Variants in PCNT observed in about 807,000 individuals in gnomAD.
PCNT encodes pericentrin, also known as kendrin.
In PCNT, 319 loss-of-function variants were observed where a neutral mutation model predicts 380.4. That is an observed-to-expected ratio of 0.84 (90% CI 0.77 to 0.92). The LOEUF (loss-of-function observed/expected upper bound fraction) is 0.92. Ranked by LOEUF, PCNT falls within the 40% of genes least tolerant of loss-of-function variation. The pLI is 0.00. For missense variants in PCNT, 4,400 were observed against 4,255.3 expected, an observed-to-expected ratio of 1.03 and a Z score of -0.95; for synonymous variants, 1,845 against 1,735.2, an observed-to-expected ratio of 1.06 and a Z score of -1.57.
chr21:46,418,880 T>C (rs950112498), intron 31 of PCNT, among the ~76,000 whole-genome samples: 1 of 151,938 alleles, frequency 6.6e-6, no homozygotes, highest in African/African-American at 2.4e-5. Flanking sequence ...TGGCGGGAGG[T>C]GCGTGGGCTT....
rs1165657207 is a variant in PCNT at position 46,407,174 on chromosome 21, C to T, written c.5116-4015C>T. On this transcript the variant is annotated intron_variant, in intron 27 of 46. Coordinates refer to ENST00000359568, the MANE Select transcript of PCNT (RefSeq NM_006031.6). ...TGTTTTCATAGCATCAACAATGAAGCCATTTGGAGTTTTATATCTAGAGAG... is the reference window on the plus strand; with the variant it reads ...TGTTTTCATAGCATCAACAATGAAGTCATTTGGAGTTTTATATCTAGAGAG... Among the ~76,000 whole-genome samples, 7 of 151,920 alleles carry T rather than the reference C, an allele frequency of 4.6e-5. No homozygotes were observed. In the East Asian group the frequency reaches 1.3e-3, roughly 29 times the overall value.
intron 16 of PCNT, among the ~76,000 whole-genome samples, chr21:46,382,087 A>G (rs2085570701): frequency 6.8e-6 from 1 of 147,160 alleles, no homozygotes. Flanking sequence ...GCGGAAGCGC[A>G]TTCATAGTGT....
chr21:46,346,998 G>T lies in PCNT; in HGVS notation c.976G>T (p.Ala326Ser). 6.3e-7 allele frequency: 1 copy of T among 1,594,114 alleles called. No individual in the cohort carries two copies. Among genetic ancestry groups the T allele is most frequent in the South Asian group, 1.1e-5 (1 of 87,604 alleles). The change falls in exon 5 of 47, where the codon GCT becomes TCT. Residue 326 changes from alanine (A) to serine (S), a missense_variant and splice_region_variant. Physicochemically the swap from Ala to Ser is moderately conservative, Grantham distance 99 (BLOSUM62 1). Transcript: ENST00000359568. ...EVVLRCGQEA[A>S]ELKEKLQSEM... is the part of the protein sequence containing the mutation. Reference sequence around the variant, plus strand: ...GGTGCTCAGGTGTGGACAGGAAGCAGGTACTGCATGGCTAGGCGGGCACGG... The same window carrying T: ...GGTGCTCAGGTGTGGACAGGAAGCATGTACTGCATGGCTAGGCGGGCACGG...
intron 9 of PCNT, among the ~76,000 whole-genome samples, chr21:46,352,605 G>A (rs958514977): frequency 1.3e-5 from 2 of 152,194 alleles, no homozygotes; most frequent in Admixed American, 6.5e-5. Context: ...TTTAGGGTCC[G>A]TGTTGCTTCT....
rs542778699 is a variant in PCNT, at chr21:46,429,832, A to G, written c.7691-178A>G. ...GTGGGCCCTGGAAGGAAATGGGCCC[A>G]GAGGGCAGAATTGAGCATCCTGGTT... On this transcript the variant is annotated intron_variant, in intron 35 of 46. Coordinates refer to ENST00000359568, the MANE Select transcript of PCNT (RefSeq NM_006031.6). Among the ~76,000 whole-genome samples the G allele has an allele frequency of 3.4e-4, 51 of 152,222 alleles. 2 individuals carry two copies. Among genetic ancestry groups the G allele is most frequent in the Middle Eastern group, 6.8e-3 (2 of 294 alleles).
intron 22 of PCNT, 117 bp downstream of exon 22, chr21:46,397,611 C>G (rs940545735): frequency 1.2e-6 from 1 of 840,846 alleles, no homozygotes; most frequent in Non-Finnish European, 1.9e-6. Context: ...GGGCGCCCCA[C>G]ACCTGCTGCA....
At chr21:46,430,974 G>T (rs2087737686) in intron 37 of PCNT, 4 of 985,352 alleles carry the variant, frequency 4.1e-6, no homozygotes, top group Non-Finnish European at 4.8e-6. Flanking sequence ...AGCCTCAGAG[G>T]TCTGTGCACA....
At chr21:46,364,231 G>T (rs898022755) in intron 14 of PCNT, among the ~76,000 whole-genome samples, 4 of 152,142 alleles carry the variant, frequency 2.6e-5, no homozygotes, top group African/African-American at 9.7e-5. Context: ...GCCGCAGTGG[G>T]ACAGCTTTGT....
In PCNT at chr21:46,366,992, T is replaced by C. The variant is rs1387351251; in HGVS notation, c.3018T>C (p.Ser1006=). The part of the protein sequence containing the change: ...DFEEQLWKKD[S]LHQTILTQEL... Reference sequence around the variant, plus strand: ...AGGAACAACTGTGGAAAAAGGACTCTCTTCACCAAACGATTTTGACTCAAG... The same window carrying C: ...AGGAACAACTGTGGAAAAAGGACTCCCTTCACCAAACGATTTTGACTCAAG... Residue 1006 remains serine (S), a synonymous_variant, in exon 15 of 47, where the codon TCT becomes TCC. Coordinates refer to ENST00000359568, the MANE Select transcript of PCNT (RefSeq NM_006031.6). 1 of 1,614,190 alleles carries C rather than the reference T, an allele frequency of 6.2e-7. No individual in the cohort carries two copies. Among genetic ancestry groups the C allele is most frequent in the Admixed American group, 1.7e-5 (1 of 60,020 alleles).
intron 3 of PCNT, among the ~76,000 whole-genome samples, chr21:46,340,175 C>T (rs2083872639): frequency 6.6e-6 from 1 of 152,176 alleles, no homozygotes; most frequent in Non-Finnish European, 1.5e-5. Flanking sequence ...TGCAGAGGAA[C>T]TCCTCTTTAT....
chr21:46,335,669 G>T (rs2083710108), intron 3 of PCNT, among the ~76,000 whole-genome samples: 1 of 149,370 alleles, frequency 6.7e-6, no homozygotes. Context: ...GGCAAGTTTG[G>T]TTGTTTTTTG....
rs1294653745 is a variant in PCNT, at chr21:46,326,459, T to A, written c.137T>A (p.Val46Asp). Residue 46 changes from valine to aspartate, a missense_variant, in exon 2 of 47, where the codon GTC (valine) becomes GAC (aspartate). By Grantham distance (152) the Val-to-Asp change is radical. Transcript: ENST00000359568. ...KKTAKRKGSA[V>D]DASVQEESPV... ...ACGGCGAAGAGGAAGGGCTCGGCTG[T>A]CGATGCGTCTGTCCAGGAGGAGAGT... 6.2e-7 allele frequency: 1 copy of A among 1,614,234 alleles called. No homozygotes were observed. The highest frequency in any genetic ancestry group is 2.2e-5 in the East Asian group (1 of 44,886).
At position 46,440,202 on chromosome 21, in the gene PCNT, G is replaced by C. The variant is rs963219305; in HGVS notation, c.9393G>C (p.Lys3131Asn). The change falls in exon 42 of 47, where the codon AAG becomes AAC. Residue 3131 changes from lysine (K) to asparagine (N), a missense_variant and splice_region_variant. Coordinates refer to ENST00000359568, the MANE Select transcript of PCNT (RefSeq NM_006031.6). ...AGGAAGCACACACCAGCAATGTCAA[G>C]GTAGGAACGGTGCCACGAGTATAGA... ...ASEEAHTSNV[K>N]MEKLYLHYLR... is the part of the protein sequence containing the mutation. 2 of 1,614,016 alleles carry C rather than the reference G, an allele frequency of 1.2e-6. No homozygotes were observed. The highest frequency in any genetic ancestry group is 8.5e-7 in the Non-Finnish European group (1 of 1,180,040).
At position 46,389,380 on chromosome 21, in the gene PCNT, C is replaced by T. The variant is rs528414302; in HGVS notation, c.3789C>T (p.Leu1263=). ...EQPIRRVFQS[L]SLAVDGLMEM... is the part of the protein sequence containing the mutation. ...CCATCCGGAGGGTCTTCCAGAGCCT[C>T]AGCCTGGCCGTGGACGGCCTCATGG... Residue 1263 remains leucine, a synonymous_variant, in exon 19 of 47, where the codon CTC becomes CTT. Transcript: ENST00000359568. 7 of 1,614,196 alleles carry T rather than the reference C, an allele frequency of 4.3e-6. No individual in the cohort carries two copies. The highest frequency in any genetic ancestry group is 1.6e-4 in the Middle Eastern group (1 of 6,062).
At chr21:46,358,180 G>A (rs1416341934) in intron 13 of PCNT, among the ~76,000 whole-genome samples, 2 of 152,342 alleles carry the variant, frequency 1.3e-5, no homozygotes, top group African/African-American at 4.8e-5. Context: ...GAACCGACGG[G>A]GCAGCTCAGG....
chr21:46,352,697 C>T (rs546341847), intron 9 of PCNT, among the ~76,000 whole-genome samples: 20 of 152,338 alleles, frequency 1.3e-4, no homozygotes, highest in African/African-American at 3.8e-4. Flanking sequence ...CAAGATGGTA[C>T]AGCTGGGTTT....
intron 38 of PCNT, among the ~76,000 whole-genome samples, chr21:46,434,025 C>T (rs112057218): frequency 6.6e-6 from 1 of 152,178 alleles, no homozygotes; most frequent in Non-Finnish European, 1.5e-5. Context: ...TTGATCCGCC[C>T]ACCTTGGCCT....
At chr21:46,347,119 AG>A in intron 5 of PCNT, 121 bp downstream of exon 5, 1 of 1,254,214 alleles carries the variant, frequency 8.0e-7, no homozygotes, top group Non-Finnish European at 1.1e-6. Flanking sequence ...CTCTGTTCTC[AG>A]CACCTTGCCT....
intron 24 of PCNT, among the ~76,000 whole-genome samples, chr21:46,398,944 C>T (rs1216754940): frequency 1.6e-4 from 24 of 151,646 alleles, no homozygotes; most frequent in African/African-American, 5.6e-4. Flanking sequence ...CTCAGCCTCC[C>T]GAGTAGCTGG....
Sources: gnomAD v4.1 joint callset for allele counts (sites outside exome capture counted in the v4.1 genomes callset) on GRCh38, gnomAD v4.1.1 for gene constraint, MANE v1.5 for transcripts, NCBI Gene and HGNC (gene_info 2026-07-23, HGNC 2026-07-21) for gene names.